CAST: variants seen among roughly 807,000 people sequenced by gnomAD.
The protein encoded by CAST is calpastatin.
CAST carries 76 observed loss-of-function variants against 119.6 expected under a neutral mutation model. The ratio of observed to expected loss-of-function variants is 0.64; its 90% confidence interval spans 0.53 to 0.77. CAST has a LOEUF of 0.77. Among genes scored for constraint, CAST ranks in the 30% least tolerant of loss-of-function variants. The pLI is 0.00. For missense variants in CAST, 953 were observed against 946.5 expected, an observed-to-expected ratio of 1.01 and a Z score of -0.09; for synonymous variants, 319 against 331.6, an observed-to-expected ratio of 0.96 and a Z score of 0.41.
chr5:96,565,796 T>A (rs1450805183), intron 1 of CAST, among the ~76,000 whole-genome samples: 1 of 152,156 alleles, frequency 6.6e-6, no homozygotes, highest in Non-Finnish European at 1.5e-5. Flanking sequence ...GAATACCTGC[T>A]CTCCTACAGG....
chr5:96,330,386 C>T, the CAST span, among the ~76,000 whole-genome samples: 1 of 152,172 alleles, frequency 6.6e-6, no homozygotes, highest in Non-Finnish European at 1.5e-5. Flanking sequence ...TCAGTGCCCA[C>T]TCACCTCTCA....
intron 3 of CAST, among the ~76,000 whole-genome samples, chr5:96,705,698 A>G (rs1754823829): frequency 6.6e-6 from 1 of 152,120 alleles, no homozygotes; most frequent in Non-Finnish European, 1.5e-5. Context: ...TAGTTCTAAT[A>G]ATAGTTCTAA....
the CAST span, among the ~76,000 whole-genome samples, chr5:96,261,771 C>T: frequency 1.3e-5 from 2 of 152,186 alleles, no homozygotes; most frequent in East Asian, 3.9e-4. Flanking sequence ...ATTTTAAATA[C>T]TTTTAGTTAA....
chr5:96,325,121 T>C, the CAST span, among the ~76,000 whole-genome samples: 6 of 152,090 alleles, frequency 3.9e-5, no homozygotes, highest in South Asian at 4.2e-4. Flanking sequence ...GGGAGAATTC[T>C]TGGGCCCGGG....
the CAST span, among the ~76,000 whole-genome samples, chr5:96,475,236 T>C: frequency 6.6e-6 from 1 of 152,210 alleles, no homozygotes; most frequent in Non-Finnish European, 1.5e-5. Context: ...AGTGAGTAAC[T>C]GCGGATACAC....
the CAST span, among the ~76,000 whole-genome samples, chr5:96,495,163 T>C: frequency 6.6e-6 from 1 of 151,856 alleles, no homozygotes; most frequent in African/African-American, 2.4e-5. Context: ...TATCAATATA[T>C]TGTAATCAAG....
chr5:96,589,780 C>G (rs558646447), intron 1 of CAST, among the ~76,000 whole-genome samples: 1 of 152,266 alleles, frequency 6.6e-6, no homozygotes, highest in East Asian at 1.9e-4. Context: ...AGCACAAAAG[C>G]CTTGCTAAAT....
chr5:96,476,927 CA>C, the CAST span, among the ~76,000 whole-genome samples: 24,530 of 131,980 alleles, frequency 0.19, 2,134 homozygotes, highest in Middle Eastern at 0.33. Flanking sequence ...ATGTGGATGG[CA>C]AAAAAAAAAA....
At chr5:96,663,339 G>C (rs1311035847) in intron 1 of CAST, among the ~76,000 whole-genome samples, 1 of 152,234 alleles carries the variant, frequency 6.6e-6, no homozygotes, top group Non-Finnish European at 1.5e-5. Flanking sequence ...CTCGGGGAGA[G>C]GCAGGGGACT....
upstream of CAST, among the ~76,000 whole-genome samples, chr5:96,524,536 A>G (rs969798144): frequency 4.6e-5 from 7 of 152,180 alleles, no homozygotes; most frequent in Admixed American, 1.3e-4. Flanking sequence ...CACATCCCAT[A>G]TGGGGACGGC....
chr5:96,752,342 G>A (rs1483465230), intron 20 of CAST, among the ~76,000 whole-genome samples: 1 of 152,174 alleles, frequency 6.6e-6, no homozygotes, highest in East Asian at 1.9e-4. Flanking sequence ...GTTTGGGGAA[G>A]CAGTGGTTTC....
chr5:96,399,775 G>C, the CAST span, among the ~76,000 whole-genome samples: 111 of 152,108 alleles, frequency 7.3e-4, 1 homozygote, highest in Admixed American at 3.3e-3. Context: ...TGGTTAACAT[G>C]GTTTCTAGAG....
At chr5:96,282,276 GAGA>G in the CAST span, among the ~76,000 whole-genome samples, 1 of 152,188 alleles carries the variant, frequency 6.6e-6, no homozygotes, top group East Asian at 1.9e-4. Flanking sequence ...GCTTCAGCAT[GAGA>G]ACATTCTGTT....
At chr5:96,063,033 G>A in the CAST span, among the ~76,000 whole-genome samples, 1 of 152,136 alleles carries the variant, frequency 6.6e-6, no homozygotes, top group African/African-American at 2.4e-5. Flanking sequence ...AACTTCTGCA[G>A]GAAGAGATGA....
the CAST span, among the ~76,000 whole-genome samples, chr5:96,100,678 A>C: frequency 6.6e-6 from 1 of 152,054 alleles, no homozygotes; most frequent in African/African-American, 2.4e-5. Flanking sequence ...TAGTTTCTTC[A>C]TCTGTAAGGC....
At chr5:96,167,900 C>CAG in the CAST span, among the ~76,000 whole-genome samples, 1 of 151,932 alleles carries the variant, frequency 6.6e-6, no homozygotes, top group East Asian at 1.9e-4. Flanking sequence ...GGTGGGGGGG[C>CAG]CTGAACAATC....
At chr5:96,036,041 A>G in the CAST span, among the ~76,000 whole-genome samples, 5 of 152,012 alleles carry the variant, frequency 3.3e-5, no homozygotes, top group African/African-American at 9.7e-5. Flanking sequence ...TGATTGGTTT[A>G]GGAAGATAGG....
intron 1 of CAST, among the ~76,000 whole-genome samples, chr5:96,576,987 C>T (rs1349147556): frequency 1.3e-5 from 2 of 152,146 alleles, no homozygotes; most frequent in African/African-American, 4.8e-5. Flanking sequence ...TCCCATCCTT[C>T]GCCCTCCCAC....
At chr5:96,748,473 T>TA in intron 18 of CAST, 45 bp from the exon 19 acceptor site, 1 of 945,824 alleles carries the variant, frequency 1.1e-6, no homozygotes, top group Non-Finnish European at 1.6e-6. Flanking sequence ...TTTTACAAAA[T>TA]AAAAAAGAGT....
Sources: allele counts gnomAD v4.1 joint callset (sites outside exome capture counted in the v4.1 genomes callset), GRCh38; gene constraint gnomAD v4.1.1; transcripts MANE v1.5; gene names NCBI Gene and HGNC (gene_info 2026-07-23, HGNC 2026-07-21).